Variants in GLI3 observed in about 807,000 individuals in gnomAD.
GLI3 encodes transcription activator GLI3.
GLI3 carries 20 observed loss-of-function variants against 100.8 expected under a neutral mutation model. The observed-to-expected ratio is 0.20, with a 90% confidence interval of 0.14 to 0.29. The LOEUF is 0.29. GLI3 is among the 10% of genes least tolerant of loss of function. GLI3 has a pLI of 1.00. For synonymous variants in GLI3, 938 were observed against 860.5 expected (o/e 1.09, Z -1.58); for missense variants, 2,040 against 2,128.5 (o/e 0.96, Z 0.82).
intron 10 of GLI3, among the ~76,000 whole-genome samples, chr7:42,009,891 G>A (rs192559402): frequency 1.3e-5 from 2 of 152,150 alleles, no homozygotes; most frequent in Non-Finnish European, 2.9e-5. Flanking sequence ...CCTCTCTGTG[G>A]CCATCAGGAC....
chr7:42,012,814 A>G (rs1470322862), intron 10 of GLI3, among the ~76,000 whole-genome samples: 1 of 152,226 alleles, frequency 6.6e-6, no homozygotes, highest in Non-Finnish European at 1.5e-5. Flanking sequence ...TTTCACTTGC[A>G]GCTTGACTGC....
At position 41,965,344 on chromosome 7, in the gene GLI3, G is replaced by A. The variant is rs761009663; in HGVS notation, c.3729C>T (p.Ala1243=). ...NSPGSGTSGN[A]FHEQPCKAPQ... is the part of the protein sequence containing the mutation. ...GGGCCTTACAGGGCTGTTCATGGAA[G>A]GCGTTTCCACTGGTGCCACTTCCGG... The change falls in exon 15 of 15, where the codon GCC becomes GCT. Residue 1243 remains alanine, a synonymous_variant. Transcript: ENST00000395925. 5.0e-6 allele frequency: 8 copies of A among 1,613,716 alleles called. No homozygotes were observed. The South Asian group carries it at 8.8e-5, about 18-fold the overall frequency.
At chr7:42,067,187 T>G (rs2128749097) in intron 4 of GLI3, among the ~76,000 whole-genome samples, 1 of 152,368 alleles carries the variant, frequency 6.6e-6, no homozygotes, top group South Asian at 2.1e-4. Context: ...TTCAGAGGTC[T>G]GATTGCTTAC....
At chr7:42,146,292 AT>A (rs1212168655) in intron 3 of GLI3, among the ~76,000 whole-genome samples, 1 of 152,178 alleles carries the variant, frequency 6.6e-6, no homozygotes, top group Non-Finnish European at 1.5e-5. Context: ...TCCCGTGCCC[AT>A]CATTAGTTAA....
chr7:42,117,433 G>T (rs762670745), intron 3 of GLI3, among the ~76,000 whole-genome samples: 12 of 152,180 alleles, frequency 7.9e-5, no homozygotes, highest in Admixed American at 5.2e-4. Flanking sequence ...ACGCCTTTTA[G>T]GAACAGTTTT....
intron 3 of GLI3, among the ~76,000 whole-genome samples, chr7:42,142,783 A>T (rs969646848): frequency 1.1e-4 from 17 of 151,726 alleles, no homozygotes; most frequent in Non-Finnish European, 2.1e-4. Context: ...TACAAAAAAA[A>T]AAAAAATTAG....
At chr7:42,134,721 C>T (rs1015832050) in intron 3 of GLI3, among the ~76,000 whole-genome samples, 1 of 152,076 alleles carries the variant, frequency 6.6e-6, no homozygotes, top group Admixed American at 6.5e-5. Flanking sequence ...AGACAATAAA[C>T]TATGTGCTTG....
chr7:42,187,382 C>A (rs1168990022), intron 2 of GLI3, among the ~76,000 whole-genome samples: 2 of 151,864 alleles, frequency 1.3e-5, no homozygotes, highest in African/African-American at 4.8e-5. Context: ...AAGAAGAAAT[C>A]AAGAATAAGT....
chr7:41,991,705 A>G (rs11771690), intron 10 of GLI3, among the ~76,000 whole-genome samples: 2,346 of 152,344 alleles, frequency 0.015, 26 homozygotes, highest in Non-Finnish European at 0.026. Flanking sequence ...ATGGGAAACA[A>G]TGGGATAGGC....
chr7:42,156,568 C>T (rs1013470078), intron 2 of GLI3, among the ~76,000 whole-genome samples: 6 of 152,160 alleles, frequency 3.9e-5, no homozygotes, highest in African/African-American at 9.7e-5. Context: ...GATTCCATAA[C>T]GAGATCCACG....
At position 41,965,192 on chromosome 7, in the gene GLI3, T is replaced by C; in HGVS notation, c.3881A>G (p.Asn1294Ser). The C allele has an allele frequency of 1.2e-6, 2 of 1,613,838 alleles. No individual in the cohort carries two copies. The highest frequency in any genetic ancestry group is 1.7e-6 in the Non-Finnish European group (2 of 1,180,020). Residue 1294 changes from asparagine to serine, a missense_variant, in exon 15 of 15, where the codon AAT (asparagine) becomes AGT (serine). Physicochemically the swap from Asn to Ser is conservative, Grantham distance 46. This residue lies in a region of GLI3 where 1,041 missense variants were observed against 924.0 expected (regional missense o/e 1.13). Transcript: ENST00000395925. ...ATTTGGCGCTACCGGCAGGCCGAAA[T>C]TCAGCTGGCCCCCGCTCCCTTGCAT... ...TPMQGSGGQLNFGLPVAPNES... is the reference protein window; with the variant it reads ...TPMQGSGGQLSFGLPVAPNES...
At chr7:42,043,425 G>A (rs1317359600) in intron 6 of GLI3, among the ~76,000 whole-genome samples, 1 of 152,140 alleles carries the variant, frequency 6.6e-6, no homozygotes, top group African/African-American at 2.4e-5. Flanking sequence ...TAAAATACAA[G>A]GTAAGCATTT....
At chr7:42,206,291 CAATAATAATAAT>C (rs200574285) in intron 2 of GLI3, among the ~76,000 whole-genome samples, 6 of 150,464 alleles carry the variant, frequency 4.0e-5, no homozygotes, top group African/African-American at 1.5e-4. Context: ...ATAATAATAA[CAATAATAATAAT>C]AATAAATTCT....
intron 2 of GLI3, among the ~76,000 whole-genome samples, chr7:42,161,941 G>A (rs1787138839): frequency 6.6e-6 from 1 of 152,152 alleles, no homozygotes; most frequent in African/African-American, 2.4e-5. Flanking sequence ...AACCAGCCCA[G>A]GTTGGTTCTT....
At chr7:42,258,254 C>T (rs1359517441) in intron 1 of GLI3, among the ~76,000 whole-genome samples, 4 of 152,170 alleles carry the variant, frequency 2.6e-5, no homozygotes, top group Non-Finnish European at 4.4e-5. Context: ...TTGATTTGAA[C>T]ATGAAACAAA....
chr7:42,201,763 T>C (rs1420409240), intron 2 of GLI3, among the ~76,000 whole-genome samples: 1 of 152,082 alleles, frequency 6.6e-6, no homozygotes, highest in African/African-American at 2.4e-5. Flanking sequence ...TATCTAAACA[T>C]AGTTAAACAT....
intron 1 of GLI3, among the ~76,000 whole-genome samples, chr7:42,248,266 A>G (rs1381068675): frequency 6.6e-6 from 1 of 152,152 alleles, no homozygotes; most frequent in African/African-American, 2.4e-5. Flanking sequence ...AGTTGCTCAT[A>G]TTTTCCTATA....
chr7:42,246,346 C>G (rs553436797), intron 1 of GLI3, among the ~76,000 whole-genome samples: 7 of 152,290 alleles, frequency 4.6e-5, no homozygotes, highest in African/African-American at 1.4e-4. Flanking sequence ...CAGCCAAACC[C>G]AACTCCTGGG....
rs1787006829 is a variant in GLI3, at chr7:41,961,340, A to G, written c.*2990T>C. 6.6e-6 allele frequency: 1 copy of G among 152,570 alleles called. No homozygotes were observed. Among genetic ancestry groups the G allele is most frequent in the South Asian group, 2.1e-4 (1 of 4,822 alleles). The allele number at this position is 152,570 out of a possible 1,614,324, so 9.5% of individuals were successfully genotyped here. A position where few individuals can be genotyped will look rare whatever the true frequency, so the allele number is the denominator to read the frequency against. ...TCAAAACAACACATGAAACCAGGAT[A>G]CAAGACAGCCTCGACTCTGCTACCA... On this transcript the variant is annotated 3_prime_UTR_variant, in exon 15 of 15. Coordinates refer to ENST00000395925, the MANE Select transcript of GLI3 (RefSeq NM_000168.6).
Sources: gnomAD v4.1 joint callset for allele counts (sites outside exome capture counted in the v4.1 genomes callset) on GRCh38, gnomAD v4.1.1 for gene constraint, gnomAD v4.1.1 regional missense constraint, MANE v1.5 for transcripts, NCBI Gene and HGNC (gene_info 2026-07-23, HGNC 2026-07-21) for gene names.